Variants in NCKAP5 observed in about 807,000 individuals in gnomAD.
The protein encoded by NCKAP5 is nck-associated protein 5.
Under a neutral mutation model 167.0 loss-of-function variants are expected in NCKAP5, and 92 were observed. The observed-to-expected ratio is 0.55, with a 90% CI of 0.47 to 0.66. NCKAP5 has a LOEUF of 0.66. Ranked by LOEUF, NCKAP5 falls within the 30% of genes least tolerant of loss-of-function variation. NCKAP5 has a pLI of 0.00. For missense variants in NCKAP5, 2,378 were observed against 2,315.0 expected, an observed-to-expected ratio of 1.03 and a Z score of -0.56; for synonymous variants, 891 against 877.4, an observed-to-expected ratio of 1.02 and a Z score of -0.27.
intron 2 of NCKAP5, among the ~76,000 whole-genome samples, chr2:133,521,752 C>T (rs1473022137): frequency 6.6e-6 from 1 of 152,204 alleles, no homozygotes; most frequent in Non-Finnish European, 1.5e-5. Context: ...CTTAAATGCC[C>T]TATCTCCAAA....
chr2:133,297,870 C>T (rs1242395779), intron 4 of NCKAP5, among the ~76,000 whole-genome samples: 2 of 152,124 alleles, frequency 1.3e-5, no homozygotes, highest in Non-Finnish European at 2.9e-5. Context: ...TGGTAGCAGC[C>T]ACAAATCAAA....
chr2:133,284,248 C>T (rs1412737345), intron 4 of NCKAP5, among the ~76,000 whole-genome samples: 1 of 151,806 alleles, frequency 6.6e-6, no homozygotes, highest in African/African-American at 2.4e-5. Flanking sequence ...GAGGAGTCAC[C>T]AATTCAAGCT....
At chr2:133,380,698 G>A (rs1340992840) in intron 3 of NCKAP5, among the ~76,000 whole-genome samples, 1 of 152,242 alleles carries the variant, frequency 6.6e-6, no homozygotes, top group African/African-American at 2.4e-5. Flanking sequence ...CAAGCACCTT[G>A]TCAGGATCTC....
At chr2:133,077,615 G>A (rs1032113913) in intron 6 of NCKAP5, among the ~76,000 whole-genome samples, 5 of 152,106 alleles carry the variant, frequency 3.3e-5, no homozygotes, top group Non-Finnish European at 5.9e-5. Context: ...ACATTTTCTC[G>A]TAATGTAATT....
intron 4 of NCKAP5, among the ~76,000 whole-genome samples, chr2:133,252,939 AG>A (rs2088425026): frequency 2.0e-5 from 3 of 152,234 alleles, no homozygotes; most frequent in Non-Finnish European, 4.4e-5. Flanking sequence ...AGCCAGCCTC[AG>A]GGGGTCTGCA....
At chr2:132,893,633 A>G (rs1487761505) in intron 8 of NCKAP5, among the ~76,000 whole-genome samples, 2 of 152,176 alleles carry the variant, frequency 1.3e-5, no homozygotes, top group Admixed American at 1.3e-4. Flanking sequence ...AAGGATACAT[A>G]CATAGGAGGT....
chr2:133,597,184 C>A, the NCKAP5 span, among the ~76,000 whole-genome samples: 53 of 152,322 alleles, frequency 3.5e-4, no homozygotes, highest in African/African-American at 1.2e-3. Flanking sequence ...AGAGTGGGAA[C>A]TGGGGTGAAA....
At chr2:133,500,624 G>A (rs969290921) in intron 3 of NCKAP5, among the ~76,000 whole-genome samples, 1 of 152,104 alleles carries the variant, frequency 6.6e-6, no homozygotes, top group South Asian at 2.1e-4. Flanking sequence ...GGCAAAGTGG[G>A]GAGTTCAAAC....
chr2:132,784,204 G>A lies in NCKAP5; in HGVS notation c.2607C>T (p.Ser869=), dbSNP rs755134055. 3.2e-5 allele frequency: 50 copies of A among 1,566,954 alleles called. No homozygotes were observed. The highest frequency in any genetic ancestry group is 1.1e-4 in the African/African-American group (8 of 73,202). The change falls in exon 14 of 20, where the codon TCC becomes TCT. Residue 869 remains serine (S), a synonymous_variant. Coordinates refer to ENST00000409261, the MANE Select transcript of NCKAP5 (RefSeq NM_207363.3). Reference sequence around the variant, plus strand: ...TCCTGGAGCTGTGCGGAAGTTGGGCGGAATGTTTTGGAATGTGTGGATCTG... The same window carrying A: ...TCCTGGAGCTGTGCGGAAGTTGGGCAGAATGTTTTGGAATGTGTGGATCTG... ...LRSDPHIPKH[S]AQLPHSSRMP... is the part of the protein sequence containing the mutation.
At chr2:133,388,957 G>C (rs544435930) in intron 3 of NCKAP5, among the ~76,000 whole-genome samples, 1 of 152,352 alleles carries the variant, frequency 6.6e-6, no homozygotes, top group South Asian at 2.1e-4. Flanking sequence ...GGCTATGAAA[G>C]GGAATTCCCT....
intron 4 of NCKAP5, among the ~76,000 whole-genome samples, chr2:133,269,590 G>C (rs766695809): frequency 3.9e-5 from 6 of 152,194 alleles, no homozygotes; most frequent in Non-Finnish European, 8.8e-5. Context: ...AGGACACAGT[G>C]AAGGGAGAGG....
At chr2:133,251,140 G>GTAT (rs2150337447) in intron 4 of NCKAP5, among the ~76,000 whole-genome samples, 1 of 152,026 alleles carries the variant, frequency 6.6e-6, no homozygotes, top group African/African-American at 2.4e-5. Context: ...TGTAACAACT[G>GTAT]TTTACACAGC....
At chr2:133,626,870 T>C in the NCKAP5 span, among the ~76,000 whole-genome samples, 3 of 151,966 alleles carry the variant, frequency 2.0e-5, no homozygotes, top group Non-Finnish European at 4.4e-5. Context: ...TTTGAATACA[T>C]ATATTCAATA....
chr2:133,452,873 C>T (rs1441391791), intron 3 of NCKAP5, among the ~76,000 whole-genome samples: 1 of 152,132 alleles, frequency 6.6e-6, no homozygotes, highest in Admixed American at 6.6e-5. Context: ...GAAGTTACTA[C>T]TTTTCACCAC....
At chr2:133,184,105 G>T (rs902109909) in intron 5 of NCKAP5, among the ~76,000 whole-genome samples, 1 of 152,000 alleles carries the variant, frequency 6.6e-6, no homozygotes. Flanking sequence ...TAGTTTGTTA[G>T]CCCACTCACC....
At chr2:132,907,107 C>T (rs1238896754) in intron 8 of NCKAP5, among the ~76,000 whole-genome samples, 2 of 152,152 alleles carry the variant, frequency 1.3e-5, no homozygotes, top group Non-Finnish European at 2.9e-5. Context: ...CTTTTCCTAA[C>T]ATTATTTATA....
At chr2:133,122,723 C>T (rs147013885) in intron 6 of NCKAP5, 7 of 152,198 alleles carry the variant, frequency 4.6e-5, no homozygotes, top group Non-Finnish European at 8.8e-5. Context: ...AAACCCAGTC[C>T]CACAGAGCCT....
chr2:133,014,033 C>A (rs1411933008), intron 6 of NCKAP5, among the ~76,000 whole-genome samples: 2 of 152,174 alleles, frequency 1.3e-5, no homozygotes, highest in Admixed American at 1.3e-4. Context: ...AGTCTTCTAA[C>A]CTGTTTCCCT....
chr2:133,106,042 GA>G (rs1208850482), intron 6 of NCKAP5, among the ~76,000 whole-genome samples: 1 of 151,938 alleles, frequency 6.6e-6, no homozygotes, highest in Non-Finnish European at 1.5e-5. Flanking sequence ...ATTAAAAAAG[GA>G]AAACTTCTGG....
Sources: gnomAD v4.1 joint callset for allele counts (sites outside exome capture counted in the v4.1 genomes callset) on GRCh38, gnomAD v4.1.1 for gene constraint, MANE v1.5 for transcripts, NCBI Gene and HGNC (gene_info 2026-07-23, HGNC 2026-07-21) for gene names.